The following SLC24A3 variants were observed in gnomAD, a reference collection of about 807,000 sequenced individuals.
The protein encoded by SLC24A3 is sodium/potassium/calcium exchanger 3.
Under a neutral mutation model 75.8 loss-of-function variants are expected in SLC24A3, and 28 were observed. The observed-to-expected ratio is 0.37, with a 90% CI of 0.27 to 0.51. The LOEUF is 0.51. SLC24A3 is among the 20% of genes least tolerant of loss of function. The probability of loss-of-function intolerance (pLI) is 0.94; values close to 1 mark genes in which losing one functional copy is unlikely to be tolerated. For synonymous variants in SLC24A3, 372 were observed against 334.1 expected, an observed-to-expected ratio of 1.11 and a Z score of -1.24; for missense variants, 663 against 847.8, an observed-to-expected ratio of 0.78 and a Z score of 2.71.
At chr20:19,359,135 C>T (rs1985741409) in intron 2 of SLC24A3, among the ~76,000 whole-genome samples, 1 of 152,048 alleles carries the variant, frequency 6.6e-6, no homozygotes, top group Non-Finnish European at 1.5e-5. Flanking sequence ...GGTATATTCC[C>T]AGGAGTGGAA....
chr20:19,275,432 C>T lies in SLC24A3; in HGVS notation c.143-5527C>T, dbSNP rs1044094716. On this transcript the variant is annotated intron_variant, in intron 1 of 16. Coordinates refer to ENST00000328041, the MANE Select transcript of SLC24A3 (RefSeq NM_020689.4). ...CACCGCGGTGTCTGAAGGAGTTAAA[C>T]CTCTTATCAGAGAGCAGGCAGCTCC... Among the ~76,000 whole-genome samples the T allele has an allele frequency of 3.4e-4, 52 of 152,204 alleles. 1 individual carries two copies. The highest frequency in any genetic ancestry group is 4.6e-4 in the Admixed American group (7 of 15,280).
chr20:19,577,255 C>T (rs1385689555), intron 3 of SLC24A3, among the ~76,000 whole-genome samples: 2 of 152,020 alleles, frequency 1.3e-5, no homozygotes, highest in African/African-American at 4.8e-5. Context: ...TGGGGTTTCA[C>T]CATGTTAGCC....
chr20:19,581,156 T>G (rs1003384435), intron 4 of SLC24A3, among the ~76,000 whole-genome samples: 2 of 152,166 alleles, frequency 1.3e-5, no homozygotes, highest in East Asian at 3.9e-4. Flanking sequence ...ACAGAGTAAT[T>G]GAGGTGGCAT....
intron 2 of SLC24A3, among the ~76,000 whole-genome samples, chr20:19,494,626 A>C (rs927990940): frequency 1.1e-4 from 16 of 152,086 alleles, no homozygotes; most frequent in Non-Finnish European, 2.2e-4. Flanking sequence ...AAATTTGGTT[A>C]TGTGCTGTAG....
At chr20:19,360,556 A>G (rs1487568267) in intron 2 of SLC24A3, among the ~76,000 whole-genome samples, 1 of 152,244 alleles carries the variant, frequency 6.6e-6, no homozygotes, top group Non-Finnish European at 1.5e-5. Flanking sequence ...TGGAAATTTT[A>G]TGGCATCTGA....
At chr20:19,230,707 C>G (rs1033527568) in intron 1 of SLC24A3, among the ~76,000 whole-genome samples, 36 of 152,046 alleles carry the variant, frequency 2.4e-4, no homozygotes, top group South Asian at 6.2e-4. Flanking sequence ...ACAAATGCCT[C>G]ATGTTTCTGA....
At chr20:19,411,500 AC>A (rs1240645193) in intron 2 of SLC24A3, among the ~76,000 whole-genome samples, 1 of 152,162 alleles carries the variant, frequency 6.6e-6, no homozygotes, top group Non-Finnish European at 1.5e-5. Context: ...CAAGTCTAGG[AC>A]CTGGATCTTT....
At chr20:19,302,652 A>G (rs1984222176) in intron 2 of SLC24A3, among the ~76,000 whole-genome samples, 2 of 152,218 alleles carry the variant, frequency 1.3e-5, no homozygotes, top group African/African-American at 4.8e-5. Context: ...CTCATATATA[A>G]GTATGCATAA....
chr20:19,483,239 C>T (rs1420483255), intron 2 of SLC24A3, among the ~76,000 whole-genome samples: 2 of 152,184 alleles, frequency 1.3e-5, no homozygotes, highest in African/African-American at 4.8e-5. Flanking sequence ...CTCCTACCCA[C>T]CCTATCCCTG....
In SLC24A3 at chr20:19,302,458, T is replaced by C. The variant is rs555512050; in HGVS notation, c.271+21371T>C. 7.8e-4 allele frequency among the ~76,000 whole-genome samples: 119 copies of C among 152,362 alleles called. 1 individual carries two copies. Among genetic ancestry groups the C allele is most frequent in the African/African-American group, 2.8e-3 (116 of 41,596 alleles). ...GGAAAATATTACAAACTCCAGTGTA[T>C]TTATTTGCCAAATTAATAAATGCTA... On this transcript the variant is annotated intron_variant, in intron 2 of 16. Transcript: ENST00000328041.
intron 2 of SLC24A3, among the ~76,000 whole-genome samples, chr20:19,304,867 A>T (rs6081562): frequency 0.29 from 43,910 of 152,126 alleles, 7,052 homozygotes; most frequent in Middle Eastern, 0.52. Flanking sequence ...TTCTTAAATA[A>T]TCTACACCCT....
intron 3 of SLC24A3, among the ~76,000 whole-genome samples, chr20:19,535,650 C>A (rs547362801): frequency 5.3e-5 from 8 of 152,116 alleles, no homozygotes; most frequent in Non-Finnish European, 8.8e-5. Flanking sequence ...ATAAGAGAGT[C>A]TTAGGGGAGG....
intron 2 of SLC24A3, among the ~76,000 whole-genome samples, chr20:19,469,348 A>T (rs1987825341): frequency 6.6e-6 from 1 of 152,190 alleles, no homozygotes; most frequent in African/African-American, 2.4e-5. Context: ...AATTAAAATT[A>T]TATGCATTGC....
intron 2 of SLC24A3, among the ~76,000 whole-genome samples, chr20:19,479,821 T>A (rs1473697820): frequency 2.6e-5 from 4 of 152,180 alleles, no homozygotes; most frequent in Admixed American, 2.0e-4. Context: ...CCTCGACACT[T>A]GCATGAGGAC....
intron 2 of SLC24A3, among the ~76,000 whole-genome samples, chr20:19,386,148 T>G (rs932475175): frequency 6.6e-6 from 1 of 152,220 alleles, no homozygotes; most frequent in Admixed American, 6.5e-5. Flanking sequence ...TAGGTTAAAT[T>G]TATTCGAAGT....
At chr20:19,330,270 T>A (rs1984969836) in intron 2 of SLC24A3, among the ~76,000 whole-genome samples, 1 of 152,178 alleles carries the variant, frequency 6.6e-6, no homozygotes, top group African/African-American at 2.4e-5. Flanking sequence ...CAGGGCTGGT[T>A]TCTCTTTGTC....
chr20:19,295,752 G>C (rs893230244), intron 2 of SLC24A3, among the ~76,000 whole-genome samples: 1 of 151,806 alleles, frequency 6.6e-6, no homozygotes, highest in Non-Finnish European at 1.5e-5. Flanking sequence ...GATTCAGTTT[G>C]CCAGTATTTT....
chr20:19,366,260 A>G (rs971704432), intron 2 of SLC24A3, among the ~76,000 whole-genome samples: 1 of 152,220 alleles, frequency 6.6e-6, no homozygotes, highest in African/African-American at 2.4e-5. Flanking sequence ...ATGGCCCCTC[A>G]TGAATATTCA....
intron 6 of SLC24A3, among the ~76,000 whole-genome samples, chr20:19,620,893 C>G (rs1395658202): frequency 6.6e-6 from 1 of 152,116 alleles, no homozygotes; most frequent in Admixed American, 6.6e-5. Context: ...TTGCAAAGCC[C>G]AGACATTTTT....
Sources: allele counts gnomAD v4.1 joint callset (sites outside exome capture counted in the v4.1 genomes callset), GRCh38; gene constraint gnomAD v4.1.1; transcripts MANE v1.5; gene names NCBI Gene and HGNC (gene_info 2026-07-23, HGNC 2026-07-21).